ACKR2: variants seen among roughly 807,000 people sequenced by gnomAD.
The protein encoded by ACKR2 is C-C chemokine receptor D6.
For missense variants in ACKR2, 457 were observed against 477.3 expected, an observed-to-expected ratio of 0.96 and a Z score of 0.40; for synonymous variants, 207 against 192.2, an observed-to-expected ratio of 1.08 and a Z score of -0.64.
intron 1 of ACKR2, among the ~76,000 whole-genome samples, chr3:42,812,761 A>G (rs1247380720): frequency 1.6e-5 from 2 of 126,978 alleles, no homozygotes; most frequent in African/African-American, 3.2e-5. Flanking sequence ...ATCTCATCTG[A>G]CTTCAACCTC....
At chr3:42,846,745 C>G in intron 2 of ACKR2, among the ~76,000 whole-genome samples, 1 of 152,088 alleles carries the variant, frequency 6.6e-6, no homozygotes, top group Non-Finnish European at 1.5e-5. Flanking sequence ...GCAAGTAATT[C>G]TAGGAAGGCT....
At position 42,854,122 on chromosome 3, in the gene ACKR2, C is replaced by T. The variant is rs141912449; in HGVS notation, c.-37-10344C>T. ...ATGGTGGGAGACACAAAAGAGGGTT[C>T]GCTGAGTCAAGCAGGGTTTGGTCAA... On this transcript the variant is annotated intron_variant, in intron 2 of 2. Transcript: ENST00000422265. Among the ~76,000 whole-genome samples, 257 of 152,088 alleles carry T rather than the reference C, an allele frequency of 1.7e-3. 3 individuals carry two copies. Among genetic ancestry groups the T allele is most frequent in the East Asian group, 7.6e-3 (39 of 5,164 alleles).
chr3:42,861,626 GCAAAC>G lies in ACKR2; in HGVS notation c.-37-2835_-37-2831del, dbSNP rs537626138. On this transcript the variant is annotated intron_variant, in intron 2 of 2. Coordinates refer to ENST00000422265, the MANE Select transcript of ACKR2 (RefSeq NM_001296.5). The stretch of plus-strand genomic sequence containing the variant: ...TGCAAAAATCCTCAATAAAATGCTG[GCAAAC>G]CAAATCAAGCAGCACATCAAAAAGC... Among the ~76,000 whole-genome samples the G allele has an allele frequency of 3.9e-4, 60 of 152,222 alleles. No individual in the cohort carries two copies. In the South Asian group the frequency reaches 4.4e-3, roughly 11 times the overall value.
chr3:42,864,538 T>A lies in ACKR2; in HGVS notation c.36T>A (p.Thr12=), dbSNP rs747681282. The part of the protein sequence containing the change: ...AATASPQPLA[T]EDADSENSSF... ...CTGCCTCTCCGCAGCCACTCGCCAC[T>A]GAGGATGCCGATTCTGAGAATAGCA... Residue 12 remains threonine, a synonymous_variant, in exon 3 of 3, where the codon ACT becomes ACA. Transcript: ENST00000422265. 2 of 1,611,814 alleles carry A rather than the reference T, an allele frequency of 1.2e-6. No homozygotes were observed. The highest frequency in any genetic ancestry group is 2.7e-5 in the African/African-American group (2 of 75,036).
chr3:42,857,082 T>A (rs1360634038), intron 2 of ACKR2, among the ~76,000 whole-genome samples: 2 of 152,062 alleles, frequency 1.3e-5, no homozygotes, highest in Non-Finnish European at 2.9e-5. Flanking sequence ...CCCAATCCCA[T>A]GCTGCTGGCT....
At chr3:42,833,790 T>C (rs1038288585) in intron 2 of ACKR2, among the ~76,000 whole-genome samples, 21 of 152,214 alleles carry the variant, frequency 1.4e-4, no homozygotes, top group African/African-American at 4.8e-4. Flanking sequence ...TTTTCTTTTA[T>C]TGGATACAGA....
At chr3:42,860,189 A>AAAAAAC (rs376833790) in intron 2 of ACKR2, among the ~76,000 whole-genome samples, 5,662 of 111,350 alleles carry the variant, frequency 0.051, 1,194 homozygotes, top group East Asian at 0.15. Flanking sequence ...AAAAAAAAAA[A>AAAAAAC]GCAGGGGATG....
intron 2 of ACKR2, among the ~76,000 whole-genome samples, chr3:42,843,064 AT>A (rs1701056825): frequency 3.9e-5 from 4 of 103,454 alleles, no homozygotes; most frequent in Admixed American, 2.6e-4. Flanking sequence ...TTATTTATTT[AT>A]TTATTTATTA....
chr3:42,825,385 T>C (rs960728256), intron 2 of ACKR2, among the ~76,000 whole-genome samples: 3 of 152,182 alleles, frequency 2.0e-5, no homozygotes, highest in Admixed American at 1.3e-4. Context: ...TTTCTTTCCA[T>C]GATGTTTTAC....
At chr3:42,858,412 C>G (rs1298745111) in intron 2 of ACKR2, among the ~76,000 whole-genome samples, 1 of 152,182 alleles carries the variant, frequency 6.6e-6, no homozygotes, top group Non-Finnish European at 1.5e-5. Flanking sequence ...CAAACTCCAG[C>G]AGACCTGCAG....
intron 2 of ACKR2, among the ~76,000 whole-genome samples, chr3:42,830,122 C>T (rs1480847837): frequency 6.6e-6 from 1 of 152,198 alleles, no homozygotes; most frequent in Admixed American, 6.5e-5. Context: ...GAGGCTTCCT[C>T]TTTCCTGCCT....
rs199716542 is a variant in ACKR2 at position 42,842,985 on chromosome 3, C to CA, written c.-37-21463dup. ...GGGTGACAGAGTAAGACTCTGTCTC[C>CA]AAAAAAAAAAAAAAAAAAGAAAGAA... is the stretch of plus-strand genomic sequence containing the variant. On this transcript the variant is annotated intron_variant, in intron 2 of 2. Transcript: ENST00000422265. Among the ~76,000 whole-genome samples the CA allele has an allele frequency of 7.3e-3, 587 of 80,776 alleles. 12 individuals carry two copies. The highest frequency in any genetic ancestry group is 0.013 in the South Asian group (33 of 2,572). 53.0% of individuals were successfully genotyped at this position (80,776 alleles called of 152,430 possible). A position where few individuals can be genotyped will look rare whatever the true frequency, so the allele number is the denominator to read the frequency against.
At chr3:42,840,259 CAA>C (rs34830187) in intron 2 of ACKR2, among the ~76,000 whole-genome samples, 3,170 of 33,896 alleles carry the variant, frequency 0.094, 5 homozygotes, top group South Asian at 0.2. Context: ...GACTCCGTCT[CAA>C]AAAAAAAAAA....
At chr3:42,821,396 G>C (rs1700808352) in intron 2 of ACKR2, among the ~76,000 whole-genome samples, 1 of 152,184 alleles carries the variant, frequency 6.6e-6, no homozygotes, top group Admixed American at 6.5e-5. Flanking sequence ...CAGGAGTCCT[G>C]TTTAGCTCAC....
chr3:42,819,962 G>A (rs1388084024), intron 2 of ACKR2, among the ~76,000 whole-genome samples: 1 of 152,148 alleles, frequency 6.6e-6, no homozygotes, highest in Non-Finnish European at 1.5e-5. Context: ...TGAGAATGAG[G>A]TACCTCTTCT....
intron 2 of ACKR2, among the ~76,000 whole-genome samples, chr3:42,821,568 T>C (rs895001354): frequency 2.6e-5 from 4 of 152,214 alleles, no homozygotes; most frequent in Admixed American, 6.5e-5. Flanking sequence ...TGGGTTTCCA[T>C]AGAGGCAGAG....
In ACKR2 at chr3:42,865,212, T is replaced by G. The variant is rs192611692; in HGVS notation, c.710T>G (p.Leu237Trp). Residue 237 changes from leucine (L) to tryptophan (W), a missense_variant, in exon 3 of 3, where the codon TTG (leucine) becomes TGG (tryptophan). Transcript: ENST00000422265. The stretch of plus-strand genomic sequence containing the variant: ...TTCTACTCCCGTATTGGTTGTGTCT[T>G]GGTGAGGCTGAGGCCCGCAGGCCAG... Reference protein sequence around the residue: ...IFFYSRIGCVLVRLRPAGQGR... With the variant: ...IFFYSRIGCVWVRLRPAGQGR... 1 of 1,614,192 alleles carries G rather than the reference T, an allele frequency of 6.2e-7. No homozygotes were observed. The highest frequency in any genetic ancestry group is 2.2e-5 in the East Asian group (1 of 44,870).
intron 2 of ACKR2, chr3:42,856,083 G>A (rs2088315172): frequency 5.2e-6 from 2 of 385,396 alleles, no homozygotes; most frequent in South Asian, 6.0e-5. Context: ...TGTGCTAGGA[G>A]TGTCCTTACT....
At chr3:42,850,439 C>G (rs1559691354) in intron 2 of ACKR2, among the ~76,000 whole-genome samples, 1 of 152,172 alleles carries the variant, frequency 6.6e-6, no homozygotes, top group South Asian at 2.1e-4. Context: ...AATGCAGAGC[C>G]AGGTCCAAGC....
Sources: allele counts gnomAD v4.1 joint callset (sites outside exome capture counted in the v4.1 genomes callset), GRCh38; gene constraint gnomAD v4.1.1; transcripts MANE v1.5; gene names NCBI Gene and HGNC (gene_info 2026-07-23, HGNC 2026-07-21).